NOX1: variants seen among roughly 807,000 people sequenced by gnomAD.
NOX1 encodes the protein NADPH oxidase 1.
Under a neutral mutation model 42.5 loss-of-function variants are expected in NOX1, and 34 were observed. The ratio of observed to expected loss-of-function variants is 0.80; its 90% confidence interval spans 0.61 to 1.07. The LOEUF is 1.07. Among genes scored for constraint, NOX1 ranks in the 50% least tolerant of loss-of-function variants. The pLI, the probability that NOX1 is intolerant of heterozygous loss-of-function variation, is 0.00. For synonymous variants in NOX1, 143 were observed against 152.5 expected (o/e 0.94, Z 0.46); for missense variants, 408 against 427.0 (o/e 0.96, Z 0.39).
At chrX:100,846,289 T>C (rs2085072854) in intron 12 of NOX1, among the ~76,000 whole-genome samples, 1 of 112,345 alleles carries the variant, frequency 8.9e-6, no homozygotes, top group Admixed American at 9.4e-5. Flanking sequence ...ATTTCACATT[T>C]CCACAAGCAA....
intron 7 of NOX1, among the ~76,000 whole-genome samples, chrX:100,857,181 T>C (rs1298069940): frequency 8.9e-6 from 1 of 112,200 alleles, no homozygotes; most frequent in Non-Finnish European, 1.9e-5. Flanking sequence ...GGCCTCCAGC[T>C]CCATCCATCT....
Position 100,849,281 on chromosome X carries a change from A to C in NOX1, c.1442T>G (p.Ile481Ser), listed in dbSNP as rs1231060058. The C allele has an allele frequency of 1.7e-6, 2 of 1,210,196 alleles. No individual in the cohort carries two copies. Among genetic ancestry groups the C allele is most frequent in the Admixed American group, 2.2e-5 (1 of 45,847 alleles). ...RLFLTGWDSN[I>S]VGHAALNFDK... ...AATTAGTGTGTTATTTGGACTCACAATATTGCTGTCCCATCCGGTGAGGAA... is the reference window on the plus strand; with the variant it reads ...AATTAGTGTGTTATTTGGACTCACACTATTGCTGTCCCATCCGGTGAGGAA... The change falls in exon 11 of 13, where the codon ATT becomes AGT. Residue 481 changes from isoleucine to serine, a missense_variant and splice_region_variant. Transcript: ENST00000372966.
At chrX:100,851,407 T>C in intron 7 of NOX1, 82 bp from the exon 8 acceptor site, 1 of 477,239 alleles carries the variant, frequency 2.1e-6, no homozygotes, top group South Asian at 5.1e-5. Flanking sequence ...CATCCTTCAT[T>C]CTTTACTGAG....
chrX:100,859,793 TA>T (rs2085191887), intron 7 of NOX1, among the ~76,000 whole-genome samples: 1 of 105,979 alleles, frequency 9.4e-6, no homozygotes. Flanking sequence ...CGGTCAGTCA[TA>T]ATGTCCTCTT....
At chrX:100,868,145 A>C (rs1042491416) in intron 2 of NOX1, among the ~76,000 whole-genome samples, 2 of 112,213 alleles carry the variant, frequency 1.8e-5, no homozygotes, top group East Asian at 2.8e-4. Flanking sequence ...TTTCTAAAGA[A>C]GGATCAAGGA....
At chrX:100,863,027 A>C in intron 4 of NOX1, 132 bp downstream of exon 4, 2 of 616,024 alleles carry the variant, frequency 3.2e-6, no homozygotes, top group Non-Finnish European at 5.4e-6. Context: ...CCATGAAAAC[A>C]GGCCAAGAAC....
intron 7 of NOX1, among the ~76,000 whole-genome samples, chrX:100,853,308 T>TTC (rs1261090414): frequency 6.6e-4 from 55 of 83,243 alleles, no homozygotes; most frequent in African/African-American, 1.9e-3. Context: ...CTTTCTTTCT[T>TTC]TCTTTCTTTC....
rs1223160652 is a variant in NOX1, at chrX:100,855,390, G to A, written c.805-4065C>T. 1.7e-5 allele frequency: 10 copies of A among 596,724 alleles called. 3 individuals are homozygous for A. In the East Asian group the frequency reaches 2.9e-4, roughly 17 times the overall value. 49.2% of individuals were successfully genotyped at this position (596,724 alleles called of 1,213,427 possible). A position where few individuals can be genotyped will look rare whatever the true frequency, so the allele number is the denominator to read the frequency against. ...AGTATTGGCCTCCATCACCCTAGGGGCCAGAGCGTCTGCCCCAAAGTTTCC... is the reference window on the plus strand; with the variant it reads ...AGTATTGGCCTCCATCACCCTAGGGACCAGAGCGTCTGCCCCAAAGTTTCC... On this transcript the variant is annotated intron_variant, in intron 7 of 12. Coordinates refer to ENST00000372966, the MANE Select transcript of NOX1 (RefSeq NM_007052.5).
At chrX:100,845,793 CTT>C (rs35998471) in intron 12 of NOX1, among the ~76,000 whole-genome samples, 41 of 91,107 alleles carry the variant, frequency 4.5e-4, no homozygotes, top group Non-Finnish European at 3.9e-4. Context: ...TTCTTTTCAC[CTT>C]TTTTTTTTTT....
At chrX:100,845,411 ATAAT>A (rs745845439) in intron 12 of NOX1, among the ~76,000 whole-genome samples, 4 of 110,430 alleles carry the variant, frequency 3.6e-5, no homozygotes, top group Admixed American at 9.7e-5. Flanking sequence ...TAATAGCTAA[ATAAT>A]ATTCCAGTAT....
chrX:100,871,786 A>G (rs7066550), intron 1 of NOX1, among the ~76,000 whole-genome samples: 106 of 111,691 alleles, frequency 9.5e-4, no homozygotes, highest in African/African-American at 3.3e-3. Context: ...TCTCAGCACA[A>G]CAGGCAAAGG....
chrX:100,871,590 A>G (rs1395493753), intron 1 of NOX1, among the ~76,000 whole-genome samples: 1 of 111,917 alleles, frequency 8.9e-6, no homozygotes, highest in Admixed American at 9.5e-5. Flanking sequence ...AGCTCTTAAG[A>G]CTGCTTTTGC....
intron 7 of NOX1, 80 bp downstream of exon 7, chrX:100,862,091 A>G: frequency 9.7e-7 from 1 of 1,027,775 alleles, no homozygotes; most frequent in South Asian, 2.2e-5. Context: ...TAATGATGAT[A>G]ATAACAATAA....
intron 2 of NOX1, among the ~76,000 whole-genome samples, chrX:100,867,986 C>T (rs1017278660): frequency 3.6e-5 from 4 of 111,916 alleles, no homozygotes; most frequent in Non-Finnish European, 5.6e-5. Flanking sequence ...AAAAAAATGT[C>T]CATGGGACAT....
intron 7 of NOX1, chrX:100,855,524 G>T: frequency 1.4e-6 from 1 of 735,225 alleles, no homozygotes; most frequent in African/African-American, 2.1e-5. Flanking sequence ...AGCCGCCTCT[G>T]CCTCCCTTGT....
intron 11 of NOX1, 105 bp downstream of exon 11, chrX:100,849,175 G>A: frequency 3.5e-6 from 3 of 846,272 alleles, no homozygotes; most frequent in South Asian, 2.7e-5. Flanking sequence ...GAGTGTGAGG[G>A]CAGGTAGGAA....
intron 2 of NOX1, among the ~76,000 whole-genome samples, chrX:100,865,335 T>C (rs1367483958): frequency 1.8e-5 from 2 of 112,899 alleles, no homozygotes; most frequent in Non-Finnish European, 3.7e-5. Context: ...GACTATAATT[T>C]CACAGTTCCA....
chrX:100,845,344 A>G (rs2085065265), intron 12 of NOX1, among the ~76,000 whole-genome samples: 1 of 110,924 alleles, frequency 9.0e-6, no homozygotes, highest in African/African-American at 3.3e-5. Flanking sequence ...GTTTTTCAGC[A>G]TGATGTTTTC....
intron 7 of NOX1, among the ~76,000 whole-genome samples, chrX:100,858,771 A>G (rs1185878166): frequency 2.7e-5 from 3 of 110,789 alleles, no homozygotes; most frequent in Non-Finnish European, 3.8e-5. Context: ...TGATTTTTGT[A>G]TATTGATTTT....
Sources: gnomAD v4.1 joint callset for allele counts (sites outside exome capture counted in the v4.1 genomes callset) on GRCh38, gnomAD v4.1.1 for gene constraint, MANE v1.5 for transcripts, NCBI Gene and HGNC (gene_info 2026-07-23, HGNC 2026-07-21) for gene names.